UBR3: variants seen among roughly 807,000 people sequenced by gnomAD.
UBR3 encodes ubiquitin protein ligase E3 component n-recognin 3.
A neutral mutation model predicts 243.2 loss-of-function variants in UBR3; 85 were observed. The ratio of observed to expected loss-of-function variants is 0.35; its 90% CI spans 0.29 to 0.42. UBR3 has a LOEUF of 0.42. Among genes scored for constraint, UBR3 ranks in the 10% least tolerant of loss-of-function variants. The probability of loss-of-function intolerance (pLI) is 1.00; values close to 1 mark genes in which losing one functional copy is unlikely to be tolerated. For missense variants in UBR3, 1,686 were observed against 2,300.8 expected (o/e 0.73, Z 5.47); for synonymous variants, 748 against 799.8 (o/e 0.94, Z 1.09).
In UBR3 at chr2:170,003,370, A is replaced by G. The variant is rs117751563; in HGVS notation, c.4029+1956A>G. 2.9e-4 allele frequency among the ~76,000 whole-genome samples: 44 copies of G among 152,304 alleles called. No homozygotes were observed. The East Asian group carries it at 7.7e-3, about 27-fold the overall frequency. On this transcript the variant is annotated intron_variant, in intron 27 of 38. Transcript: ENST00000272793. ...GGTACTCCAGGATCTGGTCTTGCCCATTGCTTTAGTGTTGTCTTCCATCAG... is the reference window on the plus strand; with the variant it reads ...GGTACTCCAGGATCTGGTCTTGCCCGTTGCTTTAGTGTTGTCTTCCATCAG...
intron 19 of UBR3, among the ~76,000 whole-genome samples, chr2:169,940,113 A>T (rs971530144): frequency 6.6e-6 from 1 of 152,160 alleles, no homozygotes; most frequent in South Asian, 2.1e-4. Flanking sequence ...AAATCAGGGA[A>T]ATTGGGATAT....
intron 25 of UBR3, among the ~76,000 whole-genome samples, chr2:169,993,115 C>T (rs991772999): frequency 1.6e-4 from 24 of 152,136 alleles, no homozygotes; most frequent in Non-Finnish European, 1.0e-4. Flanking sequence ...AGAAATGTAA[C>T]ATTAGTAACA....
At chr2:169,920,758 G>A (rs1197006103) in intron 11 of UBR3, among the ~76,000 whole-genome samples, 1 of 152,156 alleles carries the variant, frequency 6.6e-6, no homozygotes, top group Non-Finnish European at 1.5e-5. Flanking sequence ...CATTGCTCAA[G>A]CGGGGGTAGA....
intron 26 of UBR3, among the ~76,000 whole-genome samples, chr2:169,999,163 A>T (rs1259357705): frequency 2.0e-5 from 3 of 152,178 alleles, no homozygotes; most frequent in African/African-American, 7.2e-5. Context: ...GCCTTTTTGT[A>T]GTATAGTGCC....
At chr2:169,874,694 C>G (rs2083542837) in intron 2 of UBR3, among the ~76,000 whole-genome samples, 2 of 152,090 alleles carry the variant, frequency 1.3e-5, no homozygotes, top group South Asian at 4.1e-4. Context: ...TACTATATTA[C>G]TATATAAGTC....
chr2:170,015,162 GC>G, intron 29 of UBR3, 118 bp from the exon 30 acceptor site: 2 of 726,842 alleles, frequency 2.8e-6, no homozygotes, highest in Non-Finnish European at 4.4e-6. Flanking sequence ...CATAAAAACT[GC>G]TTTTGCAAAA....
At chr2:169,860,302 TAGTG>T (rs926707592) in intron 1 of UBR3, among the ~76,000 whole-genome samples, 2 of 152,108 alleles carry the variant, frequency 1.3e-5, no homozygotes, top group Non-Finnish European at 2.9e-5. Flanking sequence ...TTGTCTTCCT[TAGTG>T]AGGGTTGGAT....
intron 30 of UBR3, among the ~76,000 whole-genome samples, chr2:170,024,478 T>A (rs894223701): frequency 2.6e-5 from 4 of 151,886 alleles, no homozygotes; most frequent in African/African-American, 4.8e-5. Context: ...TAACTTTGGG[T>A]TTAGTTTCTT....
chr2:169,929,185 TA>T (rs1053519612), intron 18 of UBR3, among the ~76,000 whole-genome samples: 18 of 152,320 alleles, frequency 1.2e-4, no homozygotes, highest in African/African-American at 3.4e-4. Context: ...AAATGTATAT[TA>T]AAAAATATTT....
At chr2:169,934,081 A>G (rs1350688961) in intron 19 of UBR3, among the ~76,000 whole-genome samples, 2 of 152,158 alleles carry the variant, frequency 1.3e-5, no homozygotes, top group African/African-American at 4.8e-5. Flanking sequence ...GAGGGAATAT[A>G]TTTTTATCTC....
intron 1 of UBR3, among the ~76,000 whole-genome samples, chr2:169,844,579 T>A (rs566287968): frequency 6.7e-6 from 1 of 149,730 alleles, no homozygotes; most frequent in East Asian, 2.0e-4. Flanking sequence ...CTGCAACCTC[T>A]GCCTCCTGGG....
chr2:170,081,397 G>C (rs1049851346), intron 38 of UBR3, among the ~76,000 whole-genome samples: 3 of 152,126 alleles, frequency 2.0e-5, no homozygotes, highest in Non-Finnish European at 2.9e-5. Flanking sequence ...CTACTCTAGA[G>C]GCTGAGGCAG....
intron 11 of UBR3, among the ~76,000 whole-genome samples, chr2:169,920,169 ACATGGATGAAGCTAGAAACCAT>A (rs1284812281): frequency 1.3e-5 from 2 of 152,170 alleles, no homozygotes; most frequent in African/African-American, 4.8e-5. Flanking sequence ...CTTTGTAGGG[ACATGGATGAAGCTAGAAACCAT>A]CATTCTCAGC....
At chr2:170,010,015 G>T (rs890222697) in intron 29 of UBR3, among the ~76,000 whole-genome samples, 1 of 152,134 alleles carries the variant, frequency 6.6e-6, no homozygotes, top group Non-Finnish European at 1.5e-5. Context: ...TAGAGCTCAA[G>T]ATAAGGAACA....
chr2:169,941,303 A>G (rs2086576754), intron 19 of UBR3, among the ~76,000 whole-genome samples: 1 of 152,174 alleles, frequency 6.6e-6, no homozygotes, highest in South Asian at 2.1e-4. Context: ...CAAACCCTAT[A>G]TATACTATGT....
intron 31 of UBR3, 82 bp downstream of exon 31, chr2:170,029,530 C>A: frequency 9.6e-7 from 1 of 1,040,586 alleles, no homozygotes; most frequent in South Asian, 1.7e-5. Flanking sequence ...ATTGAAATTT[C>A]AATATATGTG....
Position 170,082,858 on chromosome 2 carries a change from G to A in UBR3, c.*1015G>A, listed in dbSNP as rs13781. ...GGTTTCCTAAAAGGAAAAAAAAGGC[G>A]CAGTGGTGATGACCCTCATGAATGA... is the stretch of plus-strand genomic sequence containing the variant. On this transcript the variant is annotated 3_prime_UTR_variant, in exon 39 of 39. Transcript: ENST00000272793. The A allele has an allele frequency of 0.34, 51,121 of 152,148 alleles. 8,943 individuals are homozygous for A. The highest frequency in any genetic ancestry group is 0.52 in the East Asian group (2,708 of 5,172). 9.4% of individuals were successfully genotyped at this position (152,148 alleles called of 1,614,324 possible). A position where few individuals can be genotyped will look rare whatever the true frequency, so the allele number is the denominator to read the frequency against.
intron 2 of UBR3, among the ~76,000 whole-genome samples, chr2:169,875,391 A>G (rs2083569050): frequency 6.6e-6 from 1 of 152,074 alleles, no homozygotes; most frequent in Non-Finnish European, 1.5e-5. Context: ...GTACAGTGGC[A>G]TGATCTCAGT....
At chr2:169,911,948 TAGTA>T (rs1298719891) in intron 10 of UBR3, among the ~76,000 whole-genome samples, 1 of 152,154 alleles carries the variant, frequency 6.6e-6, no homozygotes, top group African/African-American at 2.4e-5. Flanking sequence ...ATGAGAATGT[TAGTA>T]AGGTGACCAG....
Sources: gnomAD v4.1 joint callset for allele counts (sites outside exome capture counted in the v4.1 genomes callset) on GRCh38, gnomAD v4.1.1 for gene constraint, MANE v1.5 for transcripts, NCBI Gene and HGNC (gene_info 2026-07-23, HGNC 2026-07-21) for gene names.